CNTNAP2: variants seen among roughly 807,000 people sequenced by gnomAD.
The protein encoded by CNTNAP2 is contactin associated protein 2, also known as contactin-associated protein-like 2.
A neutral mutation model predicts 155.2 loss-of-function variants in CNTNAP2; 98 were observed. The ratio of observed to expected loss-of-function variants is 0.63; its 90% CI spans 0.54 to 0.75. The LOEUF is 0.75. CNTNAP2 is among the 30% of genes least tolerant of loss of function. CNTNAP2 has a pLI of 0.00. For synonymous variants in CNTNAP2, 651 were observed against 631.2 expected, an observed-to-expected ratio of 1.03 and a Z score of -0.47; for missense variants, 1,727 against 1,688.1, an observed-to-expected ratio of 1.02 and a Z score of -0.40.
rs1169015495 is a variant in CNTNAP2, at chr7:146,600,158, A to T, written c.98-174113A>T. Reference sequence around the variant, plus strand: ...CTCAACCATTCGTAAGCAACACTCCATAATAGTCAGTTTTCAGGAGCAGGA... The same window carrying T: ...CTCAACCATTCGTAAGCAACACTCCTTAATAGTCAGTTTTCAGGAGCAGGA... On this transcript the variant is annotated intron_variant, in intron 1 of 23. Transcript: ENST00000361727. 2.0e-5 allele frequency among the ~76,000 whole-genome samples: 3 copies of T among 152,040 alleles called. No individual in the cohort carries two copies. The South Asian group carries it at 6.2e-4, about 32-fold the overall frequency.
At chr7:146,252,596 A>G (rs941981610) in intron 1 of CNTNAP2, among the ~76,000 whole-genome samples, 1 of 152,254 alleles carries the variant, frequency 6.6e-6, no homozygotes, top group African/African-American at 2.4e-5. Context: ...GCAGGAAAAA[A>G]GGAAGAGTCT....
At chr7:147,734,555 C>G (rs1796804239) in intron 13 of CNTNAP2, among the ~76,000 whole-genome samples, 1 of 152,196 alleles carries the variant, frequency 6.6e-6, no homozygotes, top group African/African-American at 2.4e-5. Context: ...AGGATTCCCT[C>G]TTTTTCTATT....
At chr7:148,053,431 A>G (rs1186318246) in intron 15 of CNTNAP2, among the ~76,000 whole-genome samples, 1 of 152,200 alleles carries the variant, frequency 6.6e-6, no homozygotes, top group Non-Finnish European at 1.5e-5. Flanking sequence ...TATTCTAGAA[A>G]TTAATGTTTT....
chr7:146,365,345 A>G (rs1316553145), intron 1 of CNTNAP2, among the ~76,000 whole-genome samples: 1 of 152,170 alleles, frequency 6.6e-6, no homozygotes, highest in Non-Finnish European at 1.5e-5. Flanking sequence ...TGGTGGCCAA[A>G]TTAATAATAA....
chr7:146,127,775 A>T (rs180900408), intron 1 of CNTNAP2, among the ~76,000 whole-genome samples: 1 of 152,192 alleles, frequency 6.6e-6, no homozygotes, highest in African/African-American at 2.4e-5. Context: ...TAAATAGAGT[A>T]CTTAAGATGT....
intron 18 of CNTNAP2, among the ~76,000 whole-genome samples, chr7:148,209,609 C>A (rs1034697445): frequency 6.6e-6 from 1 of 152,234 alleles, no homozygotes; most frequent in Non-Finnish European, 1.5e-5. Flanking sequence ...CTCTACTACT[C>A]CAAACCATCA....
intron 3 of CNTNAP2, among the ~76,000 whole-genome samples, chr7:146,948,406 T>A (rs923304527): frequency 6.6e-6 from 1 of 152,192 alleles, no homozygotes; most frequent in African/African-American, 2.4e-5. Context: ...TAAAATAATT[T>A]CTGTTAATTT....
At chr7:147,842,442 T>C (rs1798759653) in intron 13 of CNTNAP2, among the ~76,000 whole-genome samples, 1 of 152,298 alleles carries the variant, frequency 6.6e-6, no homozygotes, top group African/African-American at 2.4e-5. Flanking sequence ...TATTTTAAGT[T>C]TTCATTCAAT....
chr7:148,215,717 C>T (rs892679863), intron 18 of CNTNAP2, among the ~76,000 whole-genome samples: 2 of 152,020 alleles, frequency 1.3e-5, no homozygotes, highest in Admixed American at 6.5e-5. Context: ...TTACTTAATC[C>T]TCACAACCAC....
At chr7:148,298,990 T>A (rs1489998443) in intron 21 of CNTNAP2, among the ~76,000 whole-genome samples, 1 of 151,670 alleles carries the variant, frequency 6.6e-6, no homozygotes, top group African/African-American at 2.4e-5. Flanking sequence ...GCCAACTTTT[T>A]TTTTTTTTCT....
At chr7:146,338,176 T>C (rs531866035) in intron 1 of CNTNAP2, among the ~76,000 whole-genome samples, 2 of 152,270 alleles carry the variant, frequency 1.3e-5, no homozygotes, top group African/African-American at 4.8e-5. Flanking sequence ...CATTTACAGA[T>C]ACCTGTCCAA....
intron 1 of CNTNAP2, among the ~76,000 whole-genome samples, chr7:146,746,883 T>C (rs1362524657): frequency 6.6e-6 from 1 of 152,170 alleles, no homozygotes; most frequent in African/African-American, 2.4e-5. Context: ...GTTTTTGCTA[T>C]TATAGGTAAC....
chr7:147,399,751 A>G (rs532699868), intron 10 of CNTNAP2, among the ~76,000 whole-genome samples: 1 of 152,250 alleles, frequency 6.6e-6, no homozygotes, highest in Non-Finnish European at 1.5e-5. Context: ...AACCTTTGTG[A>G]TTGACAGAAT....
At chr7:147,761,627 G>T (rs1331716595) in intron 13 of CNTNAP2, among the ~76,000 whole-genome samples, 2 of 152,136 alleles carry the variant, frequency 1.3e-5, no homozygotes, top group African/African-American at 4.8e-5. Context: ...TGCTGTACTC[G>T]AGGAGGATAT....
intron 3 of CNTNAP2, among the ~76,000 whole-genome samples, chr7:147,036,733 G>T (rs1470108982): frequency 2.0e-5 from 3 of 152,170 alleles, no homozygotes; most frequent in East Asian, 1.9e-4. Context: ...CTAAATGAAG[G>T]TTTGATTATA....
chr7:147,268,197 A>G (rs1168812954), intron 8 of CNTNAP2, among the ~76,000 whole-genome samples: 3 of 152,254 alleles, frequency 2.0e-5, no homozygotes, highest in Non-Finnish European at 2.9e-5. Flanking sequence ...TTAAATGTCT[A>G]CTATCTAAAA....
intron 9 of CNTNAP2, among the ~76,000 whole-genome samples, chr7:147,353,975 TTTTGATG>T (rs1448492287): frequency 7.6e-5 from 4 of 52,384 alleles, no homozygotes; most frequent in Admixed American, 7.5e-4. Context: ...TTCGCCCACT[TTTTGATG>T]TTTTTTTTTT....
At chr7:147,057,949 A>G (rs954221945) in intron 4 of CNTNAP2, among the ~76,000 whole-genome samples, 1 of 152,188 alleles carries the variant, frequency 6.6e-6, no homozygotes, top group East Asian at 1.9e-4. Context: ...TGCAGATAAA[A>G]ATACTATTAT....
At chr7:146,880,844 T>C (rs1487730158) in intron 3 of CNTNAP2, among the ~76,000 whole-genome samples, 1 of 152,168 alleles carries the variant, frequency 6.6e-6, no homozygotes, top group African/African-American at 2.4e-5. Flanking sequence ...TCTCAGGGGA[T>C]GAAATATTAT....
Sources: gnomAD v4.1 joint callset for allele counts (sites outside exome capture counted in the v4.1 genomes callset) on GRCh38, gnomAD v4.1.1 for gene constraint, MANE v1.5 for transcripts, NCBI Gene and HGNC (gene_info 2026-07-23, HGNC 2026-07-21) for gene names.